TNK2: variants seen among roughly 807,000 people sequenced by gnomAD.
TNK2 encodes tyrosine kinase non receptor 2.
TNK2 carries 83 observed loss-of-function variants against 101.8 expected under a neutral mutation model. That is an observed-to-expected ratio of 0.82 (90% confidence interval 0.68 to 0.98). The LOEUF is 0.98. Among genes scored for constraint, TNK2 ranks in the 50% least tolerant of loss-of-function variants. The pLI, the probability that TNK2 is intolerant of heterozygous loss-of-function variation, is 0.00. For synonymous variants in TNK2, 804 were observed against 633.0 expected (o/e 1.27, Z -4.06); for missense variants, 1,665 against 1,483.2 (o/e 1.12, Z -2.01).
chr3:195,865,772 G>A (rs904041102), intron 15 of TNK2, among the ~76,000 whole-genome samples: 7 of 151,892 alleles, frequency 4.6e-5, no homozygotes, highest in Admixed American at 6.6e-5. Context: ...AGAACCACCC[G>A]AGACAGTATG....
At position 195,872,297 on chromosome 3, in the gene TNK2, C is replaced by T; in HGVS notation, c.1430G>A (p.Gly477Asp). ...HGDSDPRHCW[G>D]FPDRIDELYL... ...TCACTCGTCAATCCTGTCCGGGAAG[C>T]CCCAGCAGTGGCGGGGGTCACTGTC... The change falls in exon 10 of 16, where the codon GGC becomes GAC. Residue 477 changes from glycine to aspartate, a missense_variant. Coordinates refer to ENST00000672887, the MANE Select transcript of TNK2 (RefSeq NM_001382273.1). 2 of 1,613,462 alleles carry T rather than the reference C, an allele frequency of 1.2e-6. No homozygotes were observed. The highest frequency in any genetic ancestry group is 1.1e-5 in the South Asian group (1 of 91,088).
At chr3:195,897,805 C>A (rs1464138720) in intron 1 of TNK2, among the ~76,000 whole-genome samples, 1 of 37,066 alleles carries the variant, frequency 2.7e-5, no homozygotes, top group African/African-American at 1.2e-4. Context: ...CCTGCCCACC[C>A]CCTCACCCCC....
rs148176734 is a variant in TNK2, at chr3:195,890,146, G to A, written c.-18-1540C>T. Among the ~76,000 whole-genome samples, 223 of 152,374 alleles carry A rather than the reference G, an allele frequency of 1.5e-3. 2 individuals carry two copies. In the East Asian group the frequency reaches 0.024, roughly 16 times the overall value. On this transcript the variant is annotated intron_variant, in intron 1 of 15. Coordinates refer to ENST00000672887, the MANE Select transcript of TNK2 (RefSeq NM_001382273.1). ...TCCTGGCTCTTCCACCTCGGCGACC[G>A]GGCCAGGCAGCTGGGCCAGCCGGGT...
At chr3:195,875,856 AAC>A (rs1381705862) in intron 9 of TNK2, among the ~76,000 whole-genome samples, 1 of 152,174 alleles carries the variant, frequency 6.6e-6, no homozygotes, top group Non-Finnish European at 1.5e-5. Context: ...CAAGATGGAA[AAC>A]AGAGGCCGGT....
intron 1 of TNK2, among the ~76,000 whole-genome samples, chr3:195,902,037 C>T (rs1761257587): frequency 6.6e-6 from 1 of 152,110 alleles, no homozygotes; most frequent in Non-Finnish European, 1.5e-5. Flanking sequence ...TGAAACCTCA[C>T]CAGAACAACA....
intron 10 of TNK2, 98 bp downstream of exon 10, chr3:195,872,178 G>A (rs1008339589): frequency 9.9e-5 from 135 of 1,369,874 alleles, no homozygotes; most frequent in African/African-American, 9.9e-4. Flanking sequence ...AAGCCCGGGC[G>A]AAAGGGTGAA....
chr3:195,867,454 C>A lies in TNK2; in HGVS notation c.2844G>T (p.Arg948=). 1 of 1,590,990 alleles carries A rather than the reference C, an allele frequency of 6.3e-7. No homozygotes were observed. Among genetic ancestry groups the A allele is most frequent in the Admixed American group, 1.7e-5 (1 of 58,474 alleles). ...GAGCAGTGGCCCTCGGGGGTGGTGG[C>A]CGGGCCCCTGGGTTGCTGTTGTTGG... is the stretch of plus-strand genomic sequence containing the variant. The part of the protein sequence containing the change: ...FSTNNSNPGA[R]PPPPRATARL... Residue 948 remains arginine (R), a synonymous_variant, in exon 13 of 16, where the codon CGG becomes CGT. Coordinates refer to ENST00000672887, the MANE Select transcript of TNK2 (RefSeq NM_001382273.1).
chr3:195,867,370 C>A lies in TNK2; in HGVS notation c.2928G>T (p.Lys976Asn). ...DGPEAGRPAD[K>N]IQMLQAMVHG... is the part of the protein sequence containing the mutation. ...CAGGCTGGGTGCTCACCATCTGGAT[C>A]TTGTCTGCTGGCCGGCCCGCCTCTG... The change falls in exon 13 of 16, where the codon AAG (lysine) becomes AAT (asparagine). Residue 976 changes from lysine to asparagine, a missense_variant. Transcript: ENST00000672887. 6.2e-7 allele frequency: 1 copy of A among 1,606,932 alleles called. No individual in the cohort carries two copies. The highest frequency in any genetic ancestry group is 1.1e-5 in the South Asian group (1 of 90,442).
rs1464956309 is a variant in TNK2, at chr3:195,872,459, T to C, written c.1268A>G (p.Tyr423Cys). The change falls in exon 10 of 16, where the codon TAC (tyrosine) becomes TGC (cysteine). Residue 423 changes from tyrosine to cysteine, a missense_variant. This residue lies in a region of TNK2 where 39 missense variants were observed against 65.8 expected (regional missense o/e 0.59). Transcript: ENST00000672887. ...ITVIEGRAEN[Y>C]WWRGQNTRTL... ...CCGTGTGTTCTGGCCACGCCACCAGTAGTTCTCGGCCCTGCGCGACAGAGA... is the reference window on the plus strand; with the variant it reads ...CCGTGTGTTCTGGCCACGCCACCAGCAGTTCTCGGCCCTGCGCGACAGAGA... 1.4e-5 allele frequency: 23 copies of C among 1,597,300 alleles called. No homozygotes were observed. The highest frequency in any genetic ancestry group is 1.7e-5 in the Non-Finnish European group (20 of 1,170,566).
At position 195,863,942 on chromosome 3, in the gene TNK2, C is replaced by T. The variant is rs1738880831; in HGVS notation, c.*239G>A. The T allele has an allele frequency of 1.9e-6, 1 of 529,444 alleles. No individual in the cohort carries two copies. Among genetic ancestry groups the T allele is most frequent in the South Asian group, 2.9e-5 (1 of 34,712 alleles). The allele number at this position is 529,444 out of a possible 1,614,324, so 32.8% of individuals were successfully genotyped here. A position where few individuals can be genotyped will look rare whatever the true frequency, so the allele number is the denominator to read the frequency against. ...CCCTCAAGCCTGTCTTCACCCGGCC[C>T]CTTCCACATCTTGGCAGGGGCACCG... On this transcript the variant is annotated 3_prime_UTR_variant, in exon 16 of 16. Coordinates refer to ENST00000672887, the MANE Select transcript of TNK2 (RefSeq NM_001382273.1).
intron 10 of TNK2, among the ~76,000 whole-genome samples, chr3:195,871,525 T>C (rs538929185): frequency 6.6e-6 from 1 of 151,400 alleles, no homozygotes; most frequent in South Asian, 2.1e-4. Flanking sequence ...TGTGCAGGGG[T>C]CACAGGGTCA....
chr3:195,872,649 G>C, intron 9 of TNK2, 179 bp from the exon 10 acceptor site: 9 of 634,394 alleles, frequency 1.4e-5, no homozygotes, highest in Non-Finnish European at 2.7e-6. Flanking sequence ...GCCCCGTACA[G>C]GCCTGTTTGC....
chr3:195,876,548 C>G (rs148253032), intron 9 of TNK2: 4 of 456,652 alleles, frequency 8.8e-6, no homozygotes, highest in Non-Finnish European at 1.8e-5. Flanking sequence ...CTGCCACCAC[C>G]GACACCCAGG....
At chr3:195,905,852 G>A (rs1054244331) in intron 1 of TNK2, among the ~76,000 whole-genome samples, 8 of 152,152 alleles carry the variant, frequency 5.3e-5, no homozygotes, top group African/African-American at 1.7e-4. Context: ...CTGATCATGA[G>A]AATTTTTTAG....
At chr3:195,897,663 A>G (rs754841369) in intron 1 of TNK2, among the ~76,000 whole-genome samples, 2 of 151,982 alleles carry the variant, frequency 1.3e-5, no homozygotes, top group Non-Finnish European at 2.9e-5. Context: ...TATCACACCC[A>G]GCTAATTTTT....
chr3:195,907,365 A>C (rs1344360129), intron 1 of TNK2, among the ~76,000 whole-genome samples: 1 of 151,764 alleles, frequency 6.6e-6, no homozygotes, highest in Non-Finnish European at 1.5e-5. Flanking sequence ...CTCCAGCACC[A>C]CTCCCTCTGC....
At chr3:195,876,669 G>A (rs1749492376) in intron 9 of TNK2, 1 of 455,044 alleles carries the variant, frequency 2.2e-6, no homozygotes, top group Non-Finnish European at 4.4e-6. Context: ...AGGGCTGGTG[G>A]CCCAGGGGGA....
rs1168909663 is a variant in TNK2, at chr3:195,868,147, C to A, written c.2151G>T (p.Gln717His). Residue 717 changes from glutamine (Q) to histidine (H), a missense_variant, in exon 13 of 16, where the codon CAG (glutamine) becomes CAT (histidine). This residue lies in a region of TNK2 where 1,136 missense variants were observed against 894.9 expected (regional missense o/e 1.27). Coordinates refer to ENST00000672887, the MANE Select transcript of TNK2 (RefSeq NM_001382273.1). The stretch of plus-strand genomic sequence containing the variant: ...GTAGCGCCTGGAAGATCTCTGCGGT[C>A]TGTGCGGAGCTGGGCGGCTTGCCCC... ...QGGGKPPSSA[Q>H]TAEIFQALQQ... The A allele has an allele frequency of 6.2e-7, 1 of 1,611,346 alleles. No individual in the cohort carries two copies. The highest frequency in any genetic ancestry group is 1.7e-5 in the Admixed American group (1 of 59,860).
At position 195,868,624 on chromosome 3, in the gene TNK2, G is replaced by A. The variant is rs370374767; in HGVS notation, c.1674C>T (p.Pro558=). The stretch of plus-strand genomic sequence containing the variant: ...AGGGCTTCGCCAGCCACAGCCCTCG[G>A]GGCAGGCCTGGCTTCCGCAGGCCCA... The part of the protein sequence containing the change: ...KRLGLRKPGL[P]RGLWLAKPSA... The change falls in exon 13 of 16, where the codon CCC becomes CCT. Residue 558 remains proline (P), a synonymous_variant. Transcript: ENST00000672887. The A allele has an allele frequency of 3.8e-6, 6 of 1,592,100 alleles. No individual in the cohort carries two copies. In the South Asian group the frequency reaches 6.6e-5, roughly 18 times the overall value.
Sources: allele counts gnomAD v4.1 joint callset (sites outside exome capture counted in the v4.1 genomes callset), GRCh38; gene constraint gnomAD v4.1.1; regional missense constraint gnomAD v4.1.1; transcripts MANE v1.5; gene names NCBI Gene and HGNC (gene_info 2026-07-23, HGNC 2026-07-21).